Variants in LAMP1 observed in about 807,000 individuals in gnomAD.
LAMP1 encodes lysosome associated membrane protein 1.
LAMP1 carries 7 observed loss-of-function variants against 37.5 expected under a neutral mutation model. That is an observed-to-expected ratio of 0.19 (90% confidence interval 0.11 to 0.35). The LOEUF (loss-of-function observed/expected upper bound fraction) is 0.35. Ranked by LOEUF, LAMP1 falls within the 10% of genes least tolerant of loss-of-function variation. The pLI, the probability that LAMP1 is intolerant of heterozygous loss-of-function variation, is 1.00. For synonymous variants in LAMP1, 236 were observed against 229.1 expected, an observed-to-expected ratio of 1.03 and a Z score of -0.27; for missense variants, 537 against 552.8, an observed-to-expected ratio of 0.97 and a Z score of 0.29.
Position 113,320,855 on chromosome 13 carries a change from C to T in LAMP1, c.876+385C>T, listed in dbSNP as rs1408460535. On this transcript the variant is annotated intron_variant, in intron 6 of 8. Coordinates refer to ENST00000332556, the MANE Select transcript of LAMP1 (RefSeq NM_005561.4). This position sits in a 1 kb window ranked among gnomAD's most constrained non-coding sequence, Gnocchi z 4.4. Reference sequence around the variant, plus strand: ...TTGTCACTTGTCAGTCTTTTTAAATCGCTGTGCAAATGAATTAACAGTTCA... The same window carrying T: ...TTGTCACTTGTCAGTCTTTTTAAATTGCTGTGCAAATGAATTAACAGTTCA... The T allele has an allele frequency of 6.0e-5, 14 of 233,138 alleles. No homozygotes were observed. The highest frequency in any genetic ancestry group is 2.0e-4 in the East Asian group (2 of 10,026). 14.4% of individuals were successfully genotyped at this position (233,138 alleles called of 1,614,324 possible). A position where few individuals can be genotyped will look rare whatever the true frequency, so the allele number is the denominator to read the frequency against.
chr13:113,320,614 G>T lies in LAMP1; in HGVS notation c.876+144G>T, dbSNP rs924834289. Reference sequence around the variant, plus strand: ...CCTTCCCTTTATCCTGGGCTTTTTAGTTCCTTGGTTCCCCTCCCCCCTTTC... The same window carrying T: ...CCTTCCCTTTATCCTGGGCTTTTTATTTCCTTGGTTCCCCTCCCCCCTTTC... On this transcript the variant is annotated intron_variant, in intron 6 of 8. Transcript: ENST00000332556. This position sits in a 1 kb window ranked among gnomAD's most constrained non-coding sequence, Gnocchi z 4.4. 4 of 776,646 alleles carry T rather than the reference G, an allele frequency of 5.2e-6. No individual in the cohort carries two copies. In the African/African-American group the frequency reaches 7.0e-5, roughly 14 times the overall value. 48.1% of individuals were successfully genotyped at this position (776,646 alleles called of 1,614,324 possible). A position where few individuals can be genotyped will look rare whatever the true frequency, so the allele number is the denominator to read the frequency against.
At chr13:113,303,864 C>T (rs769885403) in intron 1 of LAMP1, among the ~76,000 whole-genome samples, 11 of 152,182 alleles carry the variant, frequency 7.2e-5, no homozygotes, top group South Asian at 2.1e-4. Flanking sequence ...TCACTTGAGG[C>T]GAGGAGTTGG....
chr13:113,319,063 C>T (rs933072213), intron 4 of LAMP1, among the ~76,000 whole-genome samples: 7 of 152,218 alleles, frequency 4.6e-5, no homozygotes, highest in African/African-American at 1.7e-4. Context: ...GTGAGGTGGC[C>T]GGCCACGCAG....
intron 2 of LAMP1, among the ~76,000 whole-genome samples, chr13:113,307,158 G>A (rs1302038073): frequency 1.7e-5 from 1 of 57,294 alleles, no homozygotes; most frequent in Non-Finnish European, 4.6e-5. Context: ...CATTTTTCTA[G>A]TTTTCTTTTT....
intron 8 of LAMP1, chr13:113,322,067 T>G: frequency 1.7e-6 from 1 of 593,702 alleles, no homozygotes; most frequent in Non-Finnish European, 2.9e-6. Flanking sequence ...AGCCCCTGAT[T>G]CCAGACGGGG....
chr13:113,308,242 C>T (rs1489927849), intron 2 of LAMP1, among the ~76,000 whole-genome samples: 2 of 151,146 alleles, frequency 1.3e-5, no homozygotes, highest in Non-Finnish European at 2.9e-5. Flanking sequence ...TCTTAAACTA[C>T]TGGCCTCAAG....
chr13:113,321,807 G>T lies in LAMP1; in HGVS notation c.1114+80G>T. 4.9e-6 allele frequency: 7 copies of T among 1,433,030 alleles called. No individual in the cohort carries two copies. Among genetic ancestry groups the T allele is most frequent in the Non-Finnish European group, 6.8e-6 (7 of 1,036,734 alleles). The allele number at this position is 1,433,030 out of a possible 1,614,324, so 88.8% of individuals were successfully genotyped here. ...CGCCTGTGGACGTTTAGTCGCTTCC[G>T]TGTGGGCTGGGGCGACGCCCCTGTT... On this transcript the variant is annotated intron_variant, in intron 8 of 8. Transcript: ENST00000332556. The surrounding 1 kb of genome is among the most constrained non-coding windows in gnomAD (Gnocchi z 5.6).
In LAMP1 at chr13:113,322,368, ATCGCCT is replaced by A; in HGVS notation, c.1202_1207del (p.Ile401_Tyr403delinsAsn). On this transcript the variant is annotated inframe_deletion, in exon 9 of 9. Transcript: ENST00000332556. The stretch of plus-strand genomic sequence containing the variant: ...GGCGGGGCTGGTCCTCATCGTCCTC[ATCGCCT>A]ACCTCGTCGGCAGGAAGAGGAGTCA... 2 of 1,613,728 alleles carry A rather than the reference ATCGCCT, an allele frequency of 1.2e-6. No individual in the cohort carries two copies. The highest frequency in any genetic ancestry group is 1.7e-5 in the Admixed American group (1 of 59,974).
Position 113,321,765 on chromosome 13 carries a change from G to C in LAMP1, c.1114+38G>C. On this transcript the variant is annotated intron_variant, in intron 8 of 8. Transcript: ENST00000332556. The surrounding 1 kb of genome is among the most constrained non-coding windows in gnomAD (Gnocchi z 5.6). ...GAGGGCAGCTGTCGCGGGGTGTGGA[G>C]GACGTGCTTCAGACTCCGCCTGTGG... 1 of 1,603,726 alleles carries C rather than the reference G, an allele frequency of 6.2e-7. No individual in the cohort carries two copies.
chr13:113,318,185 CG>C (rs2042677088), intron 4 of LAMP1, among the ~76,000 whole-genome samples: 1 of 152,166 alleles, frequency 6.6e-6, no homozygotes, highest in Admixed American at 6.5e-5. Context: ...CACCGGGGTG[CG>C]GGGGCACTCC....
intron 1 of LAMP1, among the ~76,000 whole-genome samples, chr13:113,302,935 T>C (rs1181126611): frequency 6.6e-6 from 1 of 152,234 alleles, no homozygotes; most frequent in African/African-American, 2.4e-5. Flanking sequence ...TGGGATGTGC[T>C]TAGAGCAGCA....
chr13:113,321,641 A>C lies in LAMP1; in HGVS notation c.1028A>C (p.His343Pro). 6.2e-7 allele frequency: 1 copy of C among 1,614,224 alleles called. No individual in the cohort carries two copies. The highest frequency in any genetic ancestry group is 8.5e-7 in the Non-Finnish European group (1 of 1,180,042). The change falls in exon 8 of 9, where the codon CAC becomes CCC. Residue 343 changes from histidine to proline, a missense_variant. Transcript: ENST00000332556. The surrounding 1 kb of genome is among the most constrained non-coding windows in gnomAD (Gnocchi z 5.6). ...GNSYKCNAEEHVRVTKAFSVN... is the reference protein window; with the variant it reads ...GNSYKCNAEEPVRVTKAFSVN... ...TCCTACAAGTGCAACGCGGAGGAGC[A>C]CGTCCGTGTCACGAAGGCGTTTTCA... is the stretch of plus-strand genomic sequence containing the variant.
At chr13:113,314,206 C>T (rs1417923620) in intron 4 of LAMP1, among the ~76,000 whole-genome samples, 1 of 120,264 alleles carries the variant, frequency 8.3e-6, no homozygotes, top group Non-Finnish European at 1.6e-5. Context: ...GCCCGTGTGC[C>T]TGGGGCGTGG....
chr13:113,301,203 C>G (rs1360130349), intron 1 of LAMP1, among the ~76,000 whole-genome samples: 2 of 152,072 alleles, frequency 1.3e-5, no homozygotes, highest in Non-Finnish European at 2.9e-5. Context: ...TAGAAATATA[C>G]ATACCACAGC....
Position 113,321,089 on chromosome 13 carries a change from G to A in LAMP1, c.877-315G>A, listed in dbSNP as rs996202750. 2.8e-6 allele frequency: 1 copy of A among 351,612 alleles called. No homozygotes were observed. Among genetic ancestry groups the A allele is most frequent in the African/African-American group, 2.1e-5 (1 of 47,084 alleles). 21.8% of individuals were successfully genotyped at this position (351,612 alleles called of 1,614,324 possible). A position where few individuals can be genotyped will look rare whatever the true frequency, so the allele number is the denominator to read the frequency against. The stretch of plus-strand genomic sequence containing the variant: ...CCAGCTACTTGGGAGGCTGAGGTGG[G>A]AGGATCACTTGAGCCCAGGAGTTAA... On this transcript the variant is annotated intron_variant, in intron 6 of 8. Transcript: ENST00000332556. The surrounding 1 kb of genome is among the most constrained non-coding windows in gnomAD (Gnocchi z 5.6).
At chr13:113,318,471 C>T (rs2042678639) in intron 4 of LAMP1, among the ~76,000 whole-genome samples, 1 of 152,094 alleles carries the variant, frequency 6.6e-6, no homozygotes, top group African/African-American at 2.4e-5. Flanking sequence ...CTTGAGTATC[C>T]ACAGAAACAA....
intron 2 of LAMP1, 60 bp downstream of exon 2, chr13:113,306,666 A>G (rs2042600220): frequency 1.3e-6 from 2 of 1,571,316 alleles, no homozygotes; most frequent in Non-Finnish European, 1.7e-6. Context: ...GATTTTTAAC[A>G]TTTCAACCAA....
At chr13:113,309,527 G>C in intron 2 of LAMP1, 116 bp from the exon 3 acceptor site, 2 of 756,234 alleles carry the variant, frequency 2.6e-6, no homozygotes, top group Non-Finnish European at 2.2e-6. Context: ...CCTCAGTAGT[G>C]ATATCTTAGT....
At chr13:113,314,237 C>A (rs372473243) in intron 4 of LAMP1, among the ~76,000 whole-genome samples, 3 of 39,018 alleles carry the variant, frequency 7.7e-5, no homozygotes, top group East Asian at 1.8e-3. Context: ...GGAACCAGTG[C>A]GGAGATGTCG....
Sources: gnomAD v4.1 joint callset for allele counts (sites outside exome capture counted in the v4.1 genomes callset) on GRCh38, gnomAD v4.1.1 for gene constraint, Gnocchi (gnomAD v3.1) non-coding constraint, MANE v1.5 for transcripts, NCBI Gene and HGNC (gene_info 2026-07-23, HGNC 2026-07-21) for gene names.